The following OXCT1 variants were observed in gnomAD, a reference collection of about 807,000 sequenced individuals.
OXCT1 encodes 3-oxoacid CoA-transferase 1.
OXCT1 carries 27 observed loss-of-function variants against 69.6 expected under a neutral mutation model. The observed-to-expected ratio is 0.39, with a 90% CI of 0.29 to 0.54. The LOEUF (loss-of-function observed/expected upper bound fraction) is 0.54, where lower values mean the gene tolerates loss of function less well. Among genes scored for constraint, OXCT1 ranks in the 20% least tolerant of loss-of-function variants. The probability of loss-of-function intolerance (pLI) is 0.72; values close to 1 mark genes in which losing one functional copy is unlikely to be tolerated. For synonymous variants in OXCT1, 202 were observed against 217.8 expected (o/e 0.93, Z 0.64); for missense variants, 437 against 650.2 (o/e 0.67, Z 3.57).
chr5:41,828,961 C>T (rs1484331236), intron 7 of OXCT1, among the ~76,000 whole-genome samples: 1 of 151,870 alleles, frequency 6.6e-6, no homozygotes, highest in Non-Finnish European at 1.5e-5. Flanking sequence ...AAAAACAGGC[C>T]GTGGGCTGTA....
At chr5:41,854,723 A>C (rs1475092933) in intron 3 of OXCT1, among the ~76,000 whole-genome samples, 1 of 152,172 alleles carries the variant, frequency 6.6e-6, no homozygotes, top group African/African-American at 2.4e-5. Flanking sequence ...TTTTAATGGC[A>C]AAAAGTATGA....
chr5:41,806,993 G>A (rs1561091858), intron 8 of OXCT1, among the ~76,000 whole-genome samples: 1 of 151,980 alleles, frequency 6.6e-6, no homozygotes, highest in Non-Finnish European at 1.5e-5. Context: ...GACTACAGCA[G>A]GGATAAAACC....
intron 11 of OXCT1, 21 bp downstream of exon 11, chr5:41,801,001 G>T: frequency 6.2e-7 from 1 of 1,602,856 alleles, no homozygotes; most frequent in Non-Finnish European, 8.5e-7. Context: ...AAAGGGAAGG[G>T]CTAGAAATAA....
intron 7 of OXCT1, among the ~76,000 whole-genome samples, chr5:41,820,513 T>C (rs1254787820): frequency 2.6e-5 from 4 of 152,212 alleles, no homozygotes; most frequent in Non-Finnish European, 5.9e-5. Context: ...ATTGTTGATA[T>C]GTTTTACTAT....
At chr5:41,813,733 T>C (rs913600968) in intron 7 of OXCT1, among the ~76,000 whole-genome samples, 1 of 151,434 alleles carries the variant, frequency 6.6e-6, no homozygotes. Flanking sequence ...TGAACCACTC[T>C]TTTAAATGCC....
intron 16 of OXCT1, among the ~76,000 whole-genome samples, chr5:41,732,768 A>T (rs1430172973): frequency 6.6e-6 from 1 of 152,220 alleles, no homozygotes; most frequent in Non-Finnish European, 1.5e-5. Flanking sequence ...ACTAGAAGGG[A>T]GGTTCCTAAT....
Position 41,794,081 on chromosome 5 carries a change from G to A in OXCT1, c.1173-3C>T, listed in dbSNP as rs918891940. 6.2e-7 allele frequency: 1 copy of A among 1,608,654 alleles called. No homozygotes were observed. The highest frequency in any genetic ancestry group is 1.1e-5 in the South Asian group (1 of 90,946). ...GCATTGTCAGATCGACGTGTCCACT[G>A]AGAAAGAAAGAGGAAGAATAAAGTG... On this transcript the variant is annotated splice_region_variant and splice_polypyrimidine_tract_variant and intron_variant, in intron 12 of 16. Coordinates refer to ENST00000196371, the MANE Select transcript of OXCT1 (RefSeq NM_000436.4).
rs908985473 is a variant in OXCT1 at position 41,794,026 on chromosome 5, C to T, written c.1225G>A (p.Asp409Asn). ...ACAGGTATCATCCAGTTAGCCAGGT[C>T]ACCATATTTGGAAACCTGCATCGCT... ...LGAMQVSKYG[D>N]LANWMIPGKM... is the part of the protein sequence containing the mutation. Residue 409 changes from aspartate to asparagine, a missense_variant, in exon 13 of 17, where the codon GAC (aspartate) becomes AAC (asparagine). Asp to Asn is a conservative substitution (Grantham distance 23). Transcript: ENST00000196371. The T allele has an allele frequency of 3.7e-6, 6 of 1,610,350 alleles. No homozygotes were observed. The highest frequency in any genetic ancestry group is 5.1e-6 in the Non-Finnish European group (6 of 1,176,648).
intron 7 of OXCT1, among the ~76,000 whole-genome samples, chr5:41,839,675 T>G (rs1259013289): frequency 1.3e-5 from 2 of 152,138 alleles, no homozygotes; most frequent in African/African-American, 4.8e-5. Context: ...TAAAAATGAA[T>G]CAAAAGATAC....
chr5:41,826,291 G>A (rs1747804887), intron 7 of OXCT1, among the ~76,000 whole-genome samples: 1 of 152,150 alleles, frequency 6.6e-6, no homozygotes, highest in Non-Finnish European at 1.5e-5. Context: ...AGGCATTATG[G>A]AATTTTTATT....
At chr5:41,805,442 GATTA>G in intron 9 of OXCT1, 121 bp downstream of exon 9, 1 of 644,434 alleles carries the variant, frequency 1.6e-6, no homozygotes, top group Non-Finnish European at 2.7e-6. Flanking sequence ...AAAAAAAATT[GATTA>G]ATTACCTTAA....
intron 13 of OXCT1, among the ~76,000 whole-genome samples, chr5:41,783,818 G>C (rs1016060443): frequency 2.0e-5 from 3 of 152,200 alleles, no homozygotes; most frequent in African/African-American, 7.2e-5. Flanking sequence ...CCAGTGAACA[G>C]TCAAAGTCTT....
At chr5:41,860,248 C>T (rs527869793) in intron 3 of OXCT1, among the ~76,000 whole-genome samples, 2 of 152,060 alleles carry the variant, frequency 1.3e-5, no homozygotes, top group East Asian at 1.9e-4. Flanking sequence ...GAGACTCAGA[C>T]TTACAGGCTC....
intron 7 of OXCT1, among the ~76,000 whole-genome samples, chr5:41,833,713 CAAT>C (rs1478382393): frequency 2.6e-5 from 4 of 151,938 alleles, no homozygotes; most frequent in African/African-American, 9.7e-5. Flanking sequence ...AGACATAGCA[CAAT>C]AAGAAATTAA....
rs1554011237 is a variant in OXCT1 at position 41,767,722 on chromosome 5, G to GTGTATATATA, written c.1249-5523_1249-5522insTATATATACA. ...TCTAGTATCTAATATATATGTGTGT[G>GTGTATATATA]TATATATATATATATATATATATAT... On this transcript the variant is annotated intron_variant, in intron 13 of 16. Coordinates refer to ENST00000196371, the MANE Select transcript of OXCT1 (RefSeq NM_000436.4). 1.7e-3 allele frequency among the ~76,000 whole-genome samples: 152 copies of GTGTATATATA among 89,930 alleles called. 4 individuals carry two copies. The South Asian group carries it at 0.035, about 21-fold the overall frequency. 59.0% of individuals were successfully genotyped at this position (89,930 alleles called of 152,430 possible). A position where few individuals can be genotyped will look rare whatever the true frequency, so the allele number is the denominator to read the frequency against.
chr5:41,831,957 C>T (rs932397066), intron 7 of OXCT1, among the ~76,000 whole-genome samples: 14 of 152,144 alleles, frequency 9.2e-5, no homozygotes, highest in Admixed American at 2.6e-4. Context: ...TCTGATTAAC[C>T]TCCTAAAAAG....
intron 7 of OXCT1, among the ~76,000 whole-genome samples, chr5:41,813,826 G>C (rs1480297126): frequency 6.6e-6 from 1 of 151,860 alleles, no homozygotes; most frequent in African/African-American, 2.4e-5. Context: ...TTGCAATCAA[G>C]TGAGTTATTT....
chr5:41,755,545 T>C (rs913784566), intron 14 of OXCT1, among the ~76,000 whole-genome samples: 1 of 152,140 alleles, frequency 6.6e-6, no homozygotes, highest in African/African-American at 2.4e-5. Flanking sequence ...CTGAAAATTA[T>C]CTGAAGGATG....
intron 13 of OXCT1, among the ~76,000 whole-genome samples, chr5:41,783,405 T>A (rs1252838208): frequency 6.6e-6 from 1 of 152,166 alleles, no homozygotes; most frequent in Non-Finnish European, 1.5e-5. Flanking sequence ...TTGGTTTCAT[T>A]CCCTGCTAAG....
Sources: gnomAD v4.1 joint callset for allele counts (sites outside exome capture counted in the v4.1 genomes callset) on GRCh38, gnomAD v4.1.1 for gene constraint, MANE v1.5 for transcripts, NCBI Gene and HGNC (gene_info 2026-07-23, HGNC 2026-07-21) for gene names.